USH2A: variants seen among roughly 807,000 people sequenced by gnomAD.
USH2A encodes Usher syndrome 2A (autosomal recessive, mild).
USH2A carries 443 observed loss-of-function variants against 538.9 expected under a neutral mutation model. The observed-to-expected ratio is 0.82, with a 90% CI of 0.76 to 0.89. The LOEUF (loss-of-function observed/expected upper bound fraction) is 0.89. USH2A is among the 40% of genes least tolerant of loss of function. The pLI is 0.00. For synonymous variants in USH2A, 2,413 were observed against 2,273.5 expected, an observed-to-expected ratio of 1.06 and a Z score of -1.75; for missense variants, 6,633 against 6,324.8, an observed-to-expected ratio of 1.05 and a Z score of -1.65.
In USH2A at chr1:215,639,234, G is replaced by A; in HGVS notation, c.14973C>T (p.Phe4991=). Residue 4991 remains phenylalanine, a synonymous_variant, in exon 69 of 72, where the codon TTC becomes TTT. Coordinates refer to ENST00000307340, the MANE Select transcript of USH2A (RefSeq NM_206933.4). Reference sequence around the variant, plus strand: ...CAGTCGTGCAGATGACCTGGAAAAAGAAGGCTAGACAAAAGGAAGAACTGG... The same window carrying A: ...CAGTCGTGCAGATGACCTGGAAAAAAAAGGCTAGACAAAAGGAAGAACTGG... ...LYIPRTADKT[F]FFQVICTTDE... 6.2e-7 allele frequency: 1 copy of A among 1,614,100 alleles called. No individual in the cohort carries two copies. The highest frequency in any genetic ancestry group is 1.6e-4 in the Middle Eastern group (1 of 6,062).
At chr1:215,643,546 G>A (rs1402407656) in intron 67 of USH2A, among the ~76,000 whole-genome samples, 98 of 143,292 alleles carry the variant, frequency 6.8e-4, no homozygotes, top group African/African-American at 2.5e-3. Context: ...TTTTCTTAAA[G>A]ACCAAGTCTT....
intron 21 of USH2A, among the ~76,000 whole-genome samples, chr1:216,151,599 A>G (rs2033833964): frequency 1.3e-5 from 2 of 152,110 alleles, no homozygotes; most frequent in African/African-American, 2.4e-5. Context: ...TCACACACAT[A>G]TCACAAACTT....
intron 49 of USH2A, among the ~76,000 whole-genome samples, chr1:215,805,687 CTCTAAAGAT>C (rs1662480426): frequency 1.3e-5 from 2 of 152,018 alleles, no homozygotes; most frequent in Non-Finnish European, 2.9e-5. Context: ...TTCCAGAATA[CTCTAAAGAT>C]CAGTGAAGAA....
At chr1:215,749,153 C>T (rs186904519) in intron 58 of USH2A, among the ~76,000 whole-genome samples, 1 of 152,106 alleles carries the variant, frequency 6.6e-6, no homozygotes, top group African/African-American at 2.4e-5. Flanking sequence ...AGTGGCGTTC[C>T]CTCCAATTCA....
At position 215,870,586 on chromosome 1, in the gene USH2A, C is replaced by T. The variant is rs181917156; in HGVS notation, c.8682-3416G>A. Among the ~76,000 whole-genome samples, 266 of 151,942 alleles carry T rather than the reference C, an allele frequency of 1.8e-3. 1 individual carries two copies. The highest frequency in any genetic ancestry group is 2.5e-3 in the Non-Finnish European group (168 of 67,970). Reference sequence around the variant, plus strand: ...GGGATTCTGTACAGGCGTGAGTCACCGCGCCTGGCCGAGGAAACAAGATCC... The same window carrying T: ...GGGATTCTGTACAGGCGTGAGTCACTGCGCCTGGCCGAGGAAACAAGATCC... On this transcript the variant is annotated intron_variant, in intron 43 of 71. Transcript: ENST00000307340.
chr1:215,852,924 G>T (rs372095533), intron 44 of USH2A, among the ~76,000 whole-genome samples: 6 of 152,190 alleles, frequency 3.9e-5, no homozygotes, highest in African/African-American at 9.6e-5. Context: ...GGTTGGCATT[G>T]TCTGTGCTTT....
chr1:216,006,861 C>A (rs746553769), intron 32 of USH2A, among the ~76,000 whole-genome samples: 1 of 152,092 alleles, frequency 6.6e-6, no homozygotes, highest in Non-Finnish European at 1.5e-5. Context: ...TCCCTGCTAC[C>A]GACCCTATAT....
intron 50 of USH2A, among the ~76,000 whole-genome samples, chr1:215,796,580 G>A (rs551118645): frequency 4.6e-5 from 7 of 152,152 alleles, no homozygotes; most frequent in Admixed American, 1.3e-4. Flanking sequence ...CAGACCAGCC[G>A]TTCCTTTATC....
At chr1:216,111,616 GAATA>G (rs2032872022) in intron 21 of USH2A, among the ~76,000 whole-genome samples, 3 of 151,184 alleles carry the variant, frequency 2.0e-5, no homozygotes, top group Admixed American at 6.6e-5. Flanking sequence ...TAAACTAGTA[GAATA>G]AATTGGTCAA....
intron 32 of USH2A, among the ~76,000 whole-genome samples, chr1:216,022,710 C>A (rs546992548): frequency 1.3e-5 from 2 of 152,084 alleles, no homozygotes; most frequent in African/African-American, 4.8e-5. Context: ...AACAGTGATA[C>A]AGATATAACA....
chr1:215,646,742 G>A (rs1043876201), intron 67 of USH2A, among the ~76,000 whole-genome samples: 2 of 152,258 alleles, frequency 1.3e-5, no homozygotes, highest in East Asian at 1.9e-4. Flanking sequence ...GGTCAGGCTG[G>A]TCTCGAACTC....
At chr1:216,180,348 T>A (rs1316003399) in intron 20 of USH2A, among the ~76,000 whole-genome samples, 6 of 152,122 alleles carry the variant, frequency 3.9e-5, no homozygotes, top group African/African-American at 1.2e-4. Flanking sequence ...CTTGTACTTT[T>A]AAAATAGCAC....
chr1:216,137,972 G>A (rs1037315804), intron 21 of USH2A, among the ~76,000 whole-genome samples: 4 of 152,030 alleles, frequency 2.6e-5, no homozygotes, highest in Non-Finnish European at 4.4e-5. Flanking sequence ...AAAACGACAA[G>A]ATGAAAACTT....
intron 47 of USH2A, among the ~76,000 whole-genome samples, chr1:215,820,498 A>G (rs1040252939): frequency 1.3e-5 from 2 of 151,726 alleles, no homozygotes; most frequent in Non-Finnish European, 3.0e-5. Context: ...TCCATGTGAG[A>G]ATTTAATACA....
intron 18 of USH2A, among the ~76,000 whole-genome samples, chr1:216,197,180 A>G (rs565312578): frequency 6.6e-6 from 1 of 152,222 alleles, no homozygotes; most frequent in East Asian, 1.9e-4. Context: ...AAAGAGGTAA[A>G]CCTAAAGCAT....
chr1:215,678,054 C>A (rs1658091244), intron 62 of USH2A, among the ~76,000 whole-genome samples: 1 of 152,190 alleles, frequency 6.6e-6, no homozygotes, highest in Non-Finnish European at 1.5e-5. Context: ...TCTCTATCTT[C>A]TGAATGTATC....
Position 215,648,772 on chromosome 1 carries a change from G to C in USH2A, c.14344-6C>G. The stretch of plus-strand genomic sequence containing the variant: ...GTGGCCATGCCTTCGGATAGCTGTG[G>C]AAGGAAGGAAGGCTAGATAAAGGCA... On this transcript the variant is annotated splice_region_variant and splice_polypyrimidine_tract_variant and intron_variant, in intron 65 of 71. Transcript: ENST00000307340. 1 of 1,611,596 alleles carries C rather than the reference G, an allele frequency of 6.2e-7. No homozygotes were observed. The highest frequency in any genetic ancestry group is 8.5e-7 in the Non-Finnish European group (1 of 1,177,828).
At chr1:215,748,800 T>C (rs974561534) in intron 58 of USH2A, among the ~76,000 whole-genome samples, 6 of 152,126 alleles carry the variant, frequency 3.9e-5, no homozygotes, top group Non-Finnish European at 8.8e-5. Flanking sequence ...TCATAGAGAG[T>C]TGTGAGGATT....
chr1:215,668,477 G>C (rs1453247565), intron 64 of USH2A, among the ~76,000 whole-genome samples: 3 of 152,096 alleles, frequency 2.0e-5, no homozygotes, highest in Non-Finnish European at 4.4e-5. Context: ...TCCTTATGTT[G>C]TAACTACGTG....
Sources: allele counts gnomAD v4.1 joint callset (sites outside exome capture counted in the v4.1 genomes callset), GRCh38; gene constraint gnomAD v4.1.1; transcripts MANE v1.5; gene names NCBI Gene and HGNC (gene_info 2026-07-23, HGNC 2026-07-21).